The following CLDN12 variants were observed in gnomAD, a reference collection of about 807,000 sequenced individuals.
The protein encoded by CLDN12 is claudin 12.
CLDN12 carries 9 observed loss-of-function variants against 15.5 expected under a neutral mutation model. The observed-to-expected ratio is 0.58, with a 90% CI of 0.35 to 1.02. The LOEUF is 1.02. Ranked by LOEUF, CLDN12 falls within the 50% of genes least tolerant of loss-of-function variation. The probability of loss-of-function intolerance (pLI) is 0.02; values close to 1 mark genes in which losing one functional copy is unlikely to be tolerated. For synonymous variants in CLDN12, 140 were observed against 121.6 expected, an observed-to-expected ratio of 1.15 and a Z score of -1.00; for missense variants, 233 against 297.3, an observed-to-expected ratio of 0.78 and a Z score of 1.59.
At chr7:90,406,681 C>A (rs1211623437) in intron 2 of CLDN12, among the ~76,000 whole-genome samples, 6 of 152,182 alleles carry the variant, frequency 3.9e-5, no homozygotes, top group African/African-American at 7.2e-5. Context: ...ACATAAGTGA[C>A]TTGTCCAGTT....
intron 2 of CLDN12, among the ~76,000 whole-genome samples, chr7:90,408,545 A>G (rs1369825059): frequency 6.6e-6 from 1 of 152,210 alleles, no homozygotes; most frequent in Non-Finnish European, 1.5e-5. Context: ...GGGATATATG[A>G]CTTATCAAAT....
At chr7:90,411,214 G>A (rs1429596708) in intron 2 of CLDN12, among the ~76,000 whole-genome samples, 1 of 152,122 alleles carries the variant, frequency 6.6e-6, no homozygotes, top group African/African-American at 2.4e-5. Flanking sequence ...GTTTGATTCT[G>A]CAAAGGTTGA....
chr7:90,408,161 A>G (rs1328576817), intron 2 of CLDN12, among the ~76,000 whole-genome samples: 3 of 152,194 alleles, frequency 2.0e-5, no homozygotes, highest in Admixed American at 6.5e-5. Context: ...GGAAGTCAGC[A>G]TTATCTTTGT....
chr7:90,407,528 A>G (rs963460038), intron 2 of CLDN12, among the ~76,000 whole-genome samples: 1 of 152,184 alleles, frequency 6.6e-6, no homozygotes, highest in African/African-American at 2.4e-5. Context: ...TTGTTTGTTC[A>G]TTCATTCAGC....
rs1211293525 is a variant in CLDN12, at chr7:90,415,095, G to T, written c.*1684G>T. On this transcript the variant is annotated 3_prime_UTR_variant, in exon 4 of 4. Transcript: ENST00000496677. Reference sequence around the variant, plus strand: ...TCTAGTATTTGTGTAGATGTATTTGGTACTTTTTCCCCTAATTCCAACACT... The same window carrying T: ...TCTAGTATTTGTGTAGATGTATTTGTTACTTTTTCCCCTAATTCCAACACT... The T allele has an allele frequency of 6.0e-6, 1 of 166,578 alleles. No individual in the cohort carries two copies. The highest frequency in any genetic ancestry group is 3.4e-3 in the Middle Eastern group (1 of 296). The allele number at this position is 166,578 out of a possible 1,614,324, so 10.3% of individuals were successfully genotyped here. A position where few individuals can be genotyped will look rare whatever the true frequency, so the allele number is the denominator to read the frequency against.
In CLDN12 at chr7:90,412,642, A is replaced by C. The variant is rs144768794; in HGVS notation, c.-33-2A>C. 6.3e-7 allele frequency: 1 copy of C among 1,588,072 alleles called. No individual in the cohort carries two copies. The highest frequency in any genetic ancestry group is 8.6e-7 in the Non-Finnish European group (1 of 1,167,604). On this transcript the variant is annotated splice_acceptor_variant, in intron 3 of 3. Transcript: ENST00000496677. LOFTEE classifies it low-confidence loss of function (5UTR_SPLICE). Reference sequence around the variant, plus strand: ...TTTGTCCTCTTGTGTGTCACCCCCTAGTCTGACTGACAGTACTCCACAAGC... The same window carrying C: ...TTTGTCCTCTTGTGTGTCACCCCCTCGTCTGACTGACAGTACTCCACAAGC...
chr7:90,404,589 T>A (rs1445986201), intron 1 of CLDN12, among the ~76,000 whole-genome samples: 1 of 152,220 alleles, frequency 6.6e-6, no homozygotes, highest in Non-Finnish European at 1.5e-5. Flanking sequence ...CAACTTTGTC[T>A]GGTCTTGTTG....
Position 90,404,486 on chromosome 7 carries a change from TAG to T in CLDN12, c.-167+939_-167+940del, listed in dbSNP as rs1228667118. On this transcript the variant is annotated intron_variant, in intron 1 of 3. Coordinates refer to ENST00000496677, the MANE Select transcript of CLDN12 (RefSeq NM_001185072.3). ...GTGGCTAATGTTTAAAGTAGATATA[TAG>T]AAGCATCTTTAAGTATCAGGTTGAG... Among the ~76,000 whole-genome samples, 5 of 152,190 alleles carry T rather than the reference TAG, an allele frequency of 3.3e-5. No individual in the cohort carries two copies. The South Asian group carries it at 6.2e-4, about 19-fold the overall frequency.
At position 90,413,794 on chromosome 7, in the gene CLDN12, T is replaced by A. The variant is rs1171166572; in HGVS notation, c.*383T>A. On this transcript the variant is annotated 3_prime_UTR_variant, in exon 4 of 4. Transcript: ENST00000496677. ...GTATTTTTCTTTTTCTATAATACCT[T>A]TAACTGCAAAGAAAAGGCAGTTTCA... The A allele has an allele frequency of 2.0e-6, 2 of 1,009,144 alleles. No homozygotes were observed. Among genetic ancestry groups the A allele is most frequent in the African/African-American group, 3.5e-5 (2 of 57,514 alleles). 62.5% of individuals were successfully genotyped at this position (1,009,144 alleles called of 1,614,324 possible). A position where few individuals can be genotyped will look rare whatever the true frequency, so the allele number is the denominator to read the frequency against.
chr7:90,415,183 A>C lies in CLDN12; in HGVS notation c.*1772A>C, dbSNP rs1240112127. On this transcript the variant is annotated 3_prime_UTR_variant, in exon 4 of 4. Transcript: ENST00000496677. ...TTTTTAAATGCCGTCAGTAGAAAGC[A>C]CACAAGGTTATGATTTTTTTAATTA... The C allele has an allele frequency of 6.1e-6, 1 of 165,176 alleles. No homozygotes were observed. Among genetic ancestry groups the C allele is most frequent in the Admixed American group, 6.5e-5 (1 of 15,282 alleles). 10.2% of individuals were successfully genotyped at this position (165,176 alleles called of 1,614,324 possible). A position where few individuals can be genotyped will look rare whatever the true frequency, so the allele number is the denominator to read the frequency against.
rs745904312 is a variant in CLDN12 at position 90,414,889 on chromosome 7, T to A, written c.*1478T>A. ...CCATGTTAAAGCTGAGATGAACACT[T>A]AGAAATTCAGGGATATTGGGTCTTT... On this transcript the variant is annotated 3_prime_UTR_variant, in exon 4 of 4. Transcript: ENST00000496677. 6.0e-6 allele frequency: 1 copy of A among 167,050 alleles called. No individual in the cohort carries two copies. The highest frequency in any genetic ancestry group is 1.5e-5 in the Non-Finnish European group (1 of 68,120). 10.3% of individuals were successfully genotyped at this position (167,050 alleles called of 1,614,324 possible). A position where few individuals can be genotyped will look rare whatever the true frequency, so the allele number is the denominator to read the frequency against.
At chr7:90,410,571 C>A (rs1183174923) in intron 2 of CLDN12, among the ~76,000 whole-genome samples, 1 of 152,146 alleles carries the variant, frequency 6.6e-6, no homozygotes, top group Non-Finnish European at 1.5e-5. Flanking sequence ...TGACTATAAT[C>A]CCAGCTTGTA....
Position 90,414,043 on chromosome 7 carries a change from GA to G in CLDN12, c.*634del. The G allele has an allele frequency of 1.0e-6, 1 of 981,510 alleles. No individual in the cohort carries two copies. The highest frequency in any genetic ancestry group is 1.2e-6 in the Non-Finnish European group (1 of 813,266). 60.8% of individuals were successfully genotyped at this position (981,510 alleles called of 1,614,324 possible). A position where few individuals can be genotyped will look rare whatever the true frequency, so the allele number is the denominator to read the frequency against. ...ACCATTCTAAATATCACCTACTTATGAATAACATGTAATAATTTTTAACATT... is the reference window on the plus strand; with the variant it reads ...ACCATTCTAAATATCACCTACTTATGATAACATGTAATAATTTTTAACATT... On this transcript the variant is annotated 3_prime_UTR_variant, in exon 4 of 4. Coordinates refer to ENST00000496677, the MANE Select transcript of CLDN12 (RefSeq NM_001185072.3).
intron 1 of CLDN12, among the ~76,000 whole-genome samples, chr7:90,405,058 A>AATT (rs1245071471): frequency 1.3e-5 from 2 of 151,314 alleles, no homozygotes; most frequent in South Asian, 2.1e-4. Context: ...ACACCTGGCT[A>AATT]ATTATTATTA....
chr7:90,409,014 A>G, intron 2 of CLDN12: 1 of 151,908 alleles, frequency 6.6e-6, no homozygotes, highest in Non-Finnish European at 1.5e-5. Context: ...CTCCCACCGC[A>G]GCCTCCCCAA....
chr7:90,407,881 G>T (rs965352129), intron 2 of CLDN12, among the ~76,000 whole-genome samples: 2 of 152,196 alleles, frequency 1.3e-5, no homozygotes, highest in African/African-American at 4.8e-5. Flanking sequence ...AAAGAAATGT[G>T]GTTTGGCTGC....
At chr7:90,412,525 G>A in intron 3 of CLDN12, 119 bp from the exon 4 acceptor site, 1 of 800,742 alleles carries the variant, frequency 1.2e-6, no homozygotes. Context: ...ACAAGGGAGA[G>A]ACTTTCCCTC....
In CLDN12 at chr7:90,412,962, A is replaced by G; in HGVS notation, c.286A>G (p.Ile96Val). The change falls in exon 4 of 4, where the codon ATC becomes GTC. Residue 96 changes from isoleucine to valine, a missense_variant. Transcript: ENST00000496677. Reference sequence around the variant, plus strand: ...GTTTGCCCTACCCCTCAGCATGCTGATCGCCATGGGTGCCCTGCTGCTCTG... The same window carrying G: ...GTTTGCCCTACCCCTCAGCATGCTGGTCGCCATGGGTGCCCTGCTGCTCTG... The part of the protein sequence containing the change: ...LQFALPLSML[I>V]AMGALLLCLI... The G allele has an allele frequency of 6.2e-7, 1 of 1,614,096 alleles. No individual in the cohort carries two copies. The highest frequency in any genetic ancestry group is 2.2e-5 in the East Asian group (1 of 44,870).
chr7:90,405,904 A>G (rs1240349724), intron 2 of CLDN12: 2 of 152,290 alleles, frequency 1.3e-5, no homozygotes, highest in Admixed American at 1.3e-4. Flanking sequence ...GTTTGAGACC[A>G]TCCTGGGCAA....
Sources: allele counts gnomAD v4.1 joint callset (sites outside exome capture counted in the v4.1 genomes callset), GRCh38; gene constraint gnomAD v4.1.1; transcripts MANE v1.5; gene names NCBI Gene and HGNC (gene_info 2026-07-23, HGNC 2026-07-21).